GALNT13: variants seen among roughly 807,000 people sequenced by gnomAD.
GALNT13 encodes polypeptide N-acetylgalactosaminyltransferase 13.
GALNT13 carries 28 observed loss-of-function variants against 64.2 expected under a neutral mutation model. The observed-to-expected ratio is 0.44, with a 90% CI of 0.32 to 0.60. The LOEUF (loss-of-function observed/expected upper bound fraction) is 0.60. Ranked by LOEUF, GALNT13 falls within the 20% of genes least tolerant of loss-of-function variation. GALNT13 has a pLI of 0.05. For missense variants in GALNT13, 577 were observed against 669.8 expected (o/e 0.86, Z 1.53); for synonymous variants, 214 against 224.6 (o/e 0.95, Z 0.42).
the GALNT13 span, chr2:153,478,344 G>T: frequency 6.2e-7 from 1 of 1,614,198 alleles, no homozygotes; most frequent in Non-Finnish European, 8.5e-7. Flanking sequence ...AGCCGAGGAA[G>T]AAGATGCCGA....
chr2:153,829,947 G>A, the GALNT13 span, among the ~76,000 whole-genome samples: 1 of 152,084 alleles, frequency 6.6e-6, no homozygotes, highest in African/African-American at 2.4e-5. Flanking sequence ...TTTGCTCTGA[G>A]AATGATTTTC....
chr2:154,039,680 A>G (rs1698869059), intron 3 of GALNT13, among the ~76,000 whole-genome samples: 1 of 139,382 alleles, frequency 7.2e-6, no homozygotes, highest in Admixed American at 7.2e-5. Flanking sequence ...AGATGGGAGG[A>G]AAAAGTTCTA....
the GALNT13 span, among the ~76,000 whole-genome samples, chr2:153,115,458 T>G: frequency 6.6e-6 from 1 of 152,228 alleles, no homozygotes; most frequent in African/African-American, 2.4e-5. Flanking sequence ...AAGCTTTTTC[T>G]CATGTTTTCA....
intron 3 of GALNT13, among the ~76,000 whole-genome samples, chr2:154,063,489 A>G (rs1700299702): frequency 6.6e-6 from 1 of 152,070 alleles, no homozygotes; most frequent in Admixed American, 6.6e-5. Flanking sequence ...TCCCTTTTCT[A>G]AAGGTCATAT....
At chr2:153,261,770 A>C in the GALNT13 span, among the ~76,000 whole-genome samples, 43,570 of 151,924 alleles carry the variant, frequency 0.29, 7,346 homozygotes, top group Non-Finnish European at 0.39. Context: ...CCCCCAAGCC[A>C]TGAGACAAAG....
intron 2 of GALNT13, among the ~76,000 whole-genome samples, chr2:153,915,830 G>A (rs1318708783): frequency 2.0e-5 from 3 of 152,092 alleles, no homozygotes; most frequent in Non-Finnish European, 4.4e-5. Context: ...GACAAATGAG[G>A]CATGCAGCCA....
intron 6 of GALNT13, among the ~76,000 whole-genome samples, chr2:154,244,600 C>G (rs1689675674): frequency 6.6e-6 from 1 of 152,166 alleles, no homozygotes; most frequent in Non-Finnish European, 1.5e-5. Flanking sequence ...GAAAAACCAA[C>G]TCTGGTCTTC....
At chr2:154,364,746 A>G (rs1697271435) in intron 9 of GALNT13, among the ~76,000 whole-genome samples, 1 of 152,134 alleles carries the variant, frequency 6.6e-6, no homozygotes, top group African/African-American at 2.4e-5. Flanking sequence ...ATCTTGGCTC[A>G]CCGCAACTCC....
chr2:154,246,791 A>G (rs190999333), intron 7 of GALNT13, among the ~76,000 whole-genome samples: 105 of 152,238 alleles, frequency 6.9e-4, no homozygotes, highest in African/African-American at 2.5e-3. Context: ...CTCACTTAGC[A>G]TTGTCAACAG....
At chr2:153,631,069 T>C in the GALNT13 span, among the ~76,000 whole-genome samples, 1 of 151,842 alleles carries the variant, frequency 6.6e-6, no homozygotes, top group Non-Finnish European at 1.5e-5. Flanking sequence ...TGTTTGGTTT[T>C]CTCTCCTTGT....
At chr2:154,223,259 A>G (rs1688408808) in intron 4 of GALNT13, among the ~76,000 whole-genome samples, 1 of 152,070 alleles carries the variant, frequency 6.6e-6, no homozygotes, top group African/African-American at 2.4e-5. Flanking sequence ...TAATAATACA[A>G]TTAAATAAAC....
At chr2:154,357,383 C>G (rs911859233) in intron 9 of GALNT13, among the ~76,000 whole-genome samples, 4 of 151,936 alleles carry the variant, frequency 2.6e-5, no homozygotes, top group African/African-American at 9.7e-5. Flanking sequence ...GTTGTCTTCT[C>G]TTTATTAGAG....
chr2:153,871,682 C>A (rs1185013417), upstream of GALNT13, among the ~76,000 whole-genome samples: 1 of 152,208 alleles, frequency 6.6e-6, no homozygotes, highest in East Asian at 1.9e-4. Flanking sequence ...GCGGGACTTG[C>A]GCACATCGCA....
the GALNT13 span, among the ~76,000 whole-genome samples, chr2:153,418,938 C>T: frequency 6.6e-6 from 1 of 152,156 alleles, no homozygotes; most frequent in African/African-American, 2.4e-5. Context: ...GGAGTAGTGA[C>T]TGCTATGTGC....
Position 154,375,107 on chromosome 2 carries a change from C to G in GALNT13, c.1157-20884C>G, listed in dbSNP as rs564424729. Among the ~76,000 whole-genome samples the G allele has an allele frequency of 1.6e-3, 241 of 152,246 alleles. 1 individual carries two copies. Among genetic ancestry groups the G allele is most frequent in the African/African-American group, 5.2e-3 (216 of 41,552 alleles). On this transcript the variant is annotated intron_variant, in intron 9 of 12. Transcript: ENST00000392825. ...GGTTCATGCCATTCTCTTATCTCAG[C>G]CTCCCAAGTAGCTGGGACTACAGGC...
At chr2:153,693,172 C>A in the GALNT13 span, among the ~76,000 whole-genome samples, 1 of 152,132 alleles carries the variant, frequency 6.6e-6, no homozygotes, top group Admixed American at 6.5e-5. Context: ...ATAGTCTAAT[C>A]CGGCAGATCT....
intron 3 of GALNT13, among the ~76,000 whole-genome samples, chr2:154,034,560 A>C (rs1698542359): frequency 6.6e-6 from 1 of 152,190 alleles, no homozygotes; most frequent in Non-Finnish European, 1.5e-5. Flanking sequence ...TACTCATTAA[A>C]TAATTTCTCA....
chr2:153,531,790 A>AC, the GALNT13 span, among the ~76,000 whole-genome samples: 1 of 152,200 alleles, frequency 6.6e-6, no homozygotes, highest in African/African-American at 2.4e-5. Context: ...GAAAAAATTG[A>AC]CCAAAAGAAA....
chr2:153,393,267 A>ATTTTTT, the GALNT13 span, among the ~76,000 whole-genome samples: 3 of 146,042 alleles, frequency 2.1e-5, no homozygotes, highest in Non-Finnish European at 3.0e-5. Context: ...AGAAGTCTCC[A>ATTTTTT]TTTTTTTTTT....
Sources: allele counts gnomAD v4.1 joint callset (sites outside exome capture counted in the v4.1 genomes callset), GRCh38; gene constraint gnomAD v4.1.1; transcripts MANE v1.5; gene names NCBI Gene and HGNC (gene_info 2026-07-23, HGNC 2026-07-21).